The following CSMD1 variants were observed in gnomAD, a reference collection of about 807,000 sequenced individuals.
CSMD1 encodes the protein CUB and Sushi multiple domains 1, also known as CUB and sushi domain-containing protein 1.
In CSMD1, 213 loss-of-function variants were observed where a neutral mutation model predicts 417.5. The observed-to-expected ratio is 0.51, with a 90% confidence interval of 0.46 to 0.57. The LOEUF is 0.57. Ranked by LOEUF, CSMD1 falls within the 20% of genes least tolerant of loss-of-function variation. CSMD1 has a pLI of 0.00. For synonymous variants in CSMD1, 2,862 were observed against 1,736.8 expected (o/e 1.65, Z -16.11); for missense variants, 6,923 against 4,529.7 (o/e 1.53, Z -15.17).
intron 26 of CSMD1, among the ~76,000 whole-genome samples, chr8:3,238,351 G>A (rs1799286258): frequency 6.6e-6 from 1 of 152,132 alleles, no homozygotes; most frequent in Non-Finnish European, 1.5e-5. Context: ...ATCTGGATGT[G>A]TACATGCAGG....
At chr8:3,671,965 G>C (rs1183272767) in intron 7 of CSMD1, among the ~76,000 whole-genome samples, 2 of 152,052 alleles carry the variant, frequency 1.3e-5, no homozygotes, top group African/African-American at 2.4e-5. Flanking sequence ...CACATTTTTA[G>C]TTTCGATATG....
intron 12 of CSMD1, among the ~76,000 whole-genome samples, chr8:3,451,658 C>G (rs1051071906): frequency 1.3e-5 from 2 of 152,116 alleles, no homozygotes; most frequent in African/African-American, 4.8e-5. Context: ...GGGCTCTGTT[C>G]TGTTCCATTG....
At chr8:3,214,216 T>G (rs957474237) in intron 30 of CSMD1, among the ~76,000 whole-genome samples, 1 of 152,064 alleles carries the variant, frequency 6.6e-6, no homozygotes, top group African/African-American at 2.4e-5. Context: ...GCACCTCTTA[T>G]AAAGAACAGA....
chr8:4,304,490 C>A (rs1444802017), intron 3 of CSMD1, among the ~76,000 whole-genome samples: 1 of 152,170 alleles, frequency 6.6e-6, no homozygotes, highest in Non-Finnish European at 1.5e-5. Context: ...CCCATCCTGA[C>A]ACAAACGTAA....
chr8:4,617,737 G>A (rs150999588), intron 2 of CSMD1, among the ~76,000 whole-genome samples: 1 of 152,006 alleles, frequency 6.6e-6, no homozygotes, highest in African/African-American at 2.4e-5. Flanking sequence ...CCAACACCTT[G>A]TTTAATTTCC....
chr8:3,144,934 G>T (rs867532133), intron 40 of CSMD1, among the ~76,000 whole-genome samples: 1 of 152,042 alleles, frequency 6.6e-6, no homozygotes, highest in Non-Finnish European at 1.5e-5. Context: ...GGCACATCCA[G>T]ATCTGCTTGT....
rs1165373305 is a variant in CSMD1 at position 4,740,690 on chromosome 8, G to C, written c.86-103132C>G. On this transcript the variant is annotated intron_variant, in intron 1 of 69. Transcript: ENST00000635120. ...AAGAGGATGAGAATCTACTCAAGGAGGGTGAGGTTGAAGTGAGCCATCTCT... is the reference window on the plus strand; with the variant it reads ...AAGAGGATGAGAATCTACTCAAGGACGGTGAGGTTGAAGTGAGCCATCTCT... Among the ~76,000 whole-genome samples, 5 of 152,308 alleles carry C rather than the reference G, an allele frequency of 3.3e-5. No individual in the cohort carries two copies. The South Asian group carries it at 8.3e-4, about 25-fold the overall frequency.
rs1307317942 is a variant in CSMD1 at position 3,301,764 on chromosome 8, A to T, written c.3950+5931T>A. Reference sequence around the variant, plus strand: ...TCTGGGTAAGGAGCTGGTGCTTGTCAACGTACAGTGAGGGTATTTGAGAGA... The same window carrying T: ...TCTGGGTAAGGAGCTGGTGCTTGTCTACGTACAGTGAGGGTATTTGAGAGA... On this transcript the variant is annotated intron_variant, in intron 25 of 69. Coordinates refer to ENST00000635120, the MANE Select transcript of CSMD1 (RefSeq NM_033225.6). 3.3e-5 allele frequency among the ~76,000 whole-genome samples: 5 copies of T among 152,280 alleles called. No homozygotes were observed. The East Asian group carries it at 9.7e-4, about 29-fold the overall frequency.
chr8:4,548,681 A>G (rs961476030), intron 2 of CSMD1, among the ~76,000 whole-genome samples: 2 of 152,246 alleles, frequency 1.3e-5, no homozygotes, highest in East Asian at 3.9e-4. Flanking sequence ...TTTTCCATCT[A>G]CCTGTCTACA....
chr8:3,071,352 G>C (rs1215677791), intron 49 of CSMD1, among the ~76,000 whole-genome samples: 1 of 152,058 alleles, frequency 6.6e-6, no homozygotes, highest in Admixed American at 6.5e-5. Flanking sequence ...GGCCCATCAC[G>C]GGGTGGGGAG....
At chr8:3,688,481 G>A (rs985451312) in intron 7 of CSMD1, among the ~76,000 whole-genome samples, 5 of 152,148 alleles carry the variant, frequency 3.3e-5, no homozygotes, top group Non-Finnish European at 7.3e-5. Context: ...GTTCCCTAAT[G>A]TCAAATGAGG....
At chr8:3,494,025 C>T (rs1796257802) in intron 10 of CSMD1, among the ~76,000 whole-genome samples, 1 of 152,148 alleles carries the variant, frequency 6.6e-6, no homozygotes, top group Non-Finnish European at 1.5e-5. Flanking sequence ...TTTACTTTAA[C>T]ATTCTCAGTG....
intron 15 of CSMD1, 65 bp from the exon 16 acceptor site, chr8:3,399,594 C>T (rs1233323223): frequency 2.8e-5 from 35 of 1,249,674 alleles, no homozygotes; most frequent in Admixed American, 1.2e-4. Flanking sequence ...TAACAATACC[C>T]GGATAAAAGC....
At chr8:4,407,975 A>G (rs1226116987) in intron 3 of CSMD1, among the ~76,000 whole-genome samples, 1 of 152,196 alleles carries the variant, frequency 6.6e-6, no homozygotes, top group Non-Finnish European at 1.5e-5. Context: ...TACACCCGGC[A>G]AAAATCACAG....
chr8:2,976,284 A>C (rs1200152695), intron 55 of CSMD1, among the ~76,000 whole-genome samples: 1 of 152,094 alleles, frequency 6.6e-6, no homozygotes, highest in African/African-American at 2.4e-5. Flanking sequence ...GCTAAAACTG[A>C]AAAGGCAAGA....
intron 10 of CSMD1, among the ~76,000 whole-genome samples, chr8:3,552,868 G>C (rs1049045942): frequency 1.3e-5 from 2 of 151,926 alleles, no homozygotes; most frequent in African/African-American, 4.8e-5. Context: ...AGATTTACTT[G>C]TTTAATACAA....
chr8:3,579,433 A>T (rs890627872), intron 9 of CSMD1, among the ~76,000 whole-genome samples: 2 of 152,252 alleles, frequency 1.3e-5, no homozygotes, highest in Non-Finnish European at 2.9e-5. Context: ...ACTTGAAAGA[A>T]GAAACATTCT....
At chr8:3,815,752 G>A (rs932113423) in intron 5 of CSMD1, among the ~76,000 whole-genome samples, 12 of 151,764 alleles carry the variant, frequency 7.9e-5, no homozygotes, top group Non-Finnish European at 1.5e-4. Context: ...AACATGGAAA[G>A]TCATAAAACC....
At chr8:4,256,440 A>C (rs960882089) in intron 3 of CSMD1, among the ~76,000 whole-genome samples, 2 of 152,212 alleles carry the variant, frequency 1.3e-5, no homozygotes, top group Admixed American at 1.3e-4. Context: ...GTGAAGATTA[A>C]AAGAGGTGAT....
Sources: gnomAD v4.1 joint callset for allele counts (sites outside exome capture counted in the v4.1 genomes callset) on GRCh38, gnomAD v4.1.1 for gene constraint, MANE v1.5 for transcripts, NCBI Gene and HGNC (gene_info 2026-07-23, HGNC 2026-07-21) for gene names.